The following SCIN variants were observed in gnomAD, a reference collection of about 807,000 sequenced individuals.
SCIN encodes the protein scinderin, also known as adseverin.
A neutral mutation model predicts 91.8 loss-of-function variants in SCIN; 91 were observed. The ratio of observed to expected loss-of-function variants is 0.99; its 90% CI spans 0.84 to 1.18. The LOEUF is 1.18. SCIN is among the 50% of genes most tolerant of loss of function. The pLI is 0.00. For missense variants in SCIN, 1,087 were observed against 863.9 expected (o/e 1.26, Z -3.24); for synonymous variants, 367 against 312.6 (o/e 1.17, Z -1.84).
At chr7:12,577,727 G>A (rs947870108) in intron 1 of SCIN, 5 of 404,430 alleles carry the variant, frequency 1.2e-5, no homozygotes, top group African/African-American at 6.2e-5. Flanking sequence ...ATGGTGGCAC[G>A]CACCTGTAGT....
intron 3 of SCIN, among the ~76,000 whole-genome samples, chr7:12,598,185 G>C (rs993888200): frequency 6.6e-6 from 1 of 152,158 alleles, no homozygotes; most frequent in African/African-American, 2.4e-5. Context: ...ACTTTCTGTT[G>C]TAGTAATAGG....
At chr7:12,620,078 A>G (rs1783377027) in intron 4 of SCIN, among the ~76,000 whole-genome samples, 1 of 152,082 alleles carries the variant, frequency 6.6e-6, no homozygotes, top group Non-Finnish European at 1.5e-5. Context: ...ATAGACATAT[A>G]TGTACAAACT....
chr7:12,650,962 GTAA>G (rs908177298), intron 14 of SCIN, among the ~76,000 whole-genome samples: 11 of 152,158 alleles, frequency 7.2e-5, no homozygotes, highest in African/African-American at 2.7e-4. Context: ...TAATGACTGT[GTAA>G]GGGCCAAGGG....
intron 3 of SCIN, among the ~76,000 whole-genome samples, chr7:12,601,998 T>C (rs1225507637): frequency 8.5e-5 from 13 of 152,222 alleles, no homozygotes; most frequent in Non-Finnish European, 1.3e-4. Context: ...CGGTAGAACA[T>C]GAGATTCTTA....
chr7:12,598,275 C>CA (rs1457749962), intron 3 of SCIN, among the ~76,000 whole-genome samples: 1 of 152,000 alleles, frequency 6.6e-6, no homozygotes, highest in Non-Finnish European at 1.5e-5. Flanking sequence ...CTGGTGGAAA[C>CA]AGAGTAAGGT....
intron 11 of SCIN, among the ~76,000 whole-genome samples, chr7:12,642,147 T>G (rs976782407): frequency 6.6e-6 from 1 of 151,954 alleles, no homozygotes; most frequent in South Asian, 2.1e-4. Flanking sequence ...AATAAATAAT[T>G]TATTAAATGT....
At chr7:12,588,607 C>T (rs539400835) in intron 3 of SCIN, among the ~76,000 whole-genome samples, 1 of 151,892 alleles carries the variant, frequency 6.6e-6, no homozygotes, top group South Asian at 2.1e-4. Flanking sequence ...GTTGGTTAAC[C>T]TTACCACATA....
intron 1 of SCIN, among the ~76,000 whole-genome samples, chr7:12,576,939 C>T (rs147690805): frequency 0.01 from 1,570 of 152,198 alleles, 24 homozygotes; most frequent in South Asian, 0.043. Flanking sequence ...TTTATTACAG[C>T]TTGGATGTAG....
intron 3 of SCIN, among the ~76,000 whole-genome samples, chr7:12,589,784 G>T (rs139354834): frequency 6.6e-6 from 1 of 152,136 alleles, no homozygotes; most frequent in Admixed American, 6.5e-5. Flanking sequence ...TAGCTCATGA[G>T]GGAGACTGTT....
In SCIN at chr7:12,654,760, T is replaced by C. The variant is rs971224093; in HGVS notation, c.*2045T>C. On this transcript the variant is annotated 3_prime_UTR_variant, in exon 16 of 16. Transcript: ENST00000297029. ...AGGCATATAGTAGGGTCTCAGTTAA[T>C]ATTTATTGAATGGCAATATCAAAAA... The C allele has an allele frequency of 6.6e-6, 1 of 152,158 alleles. No individual in the cohort carries two copies. Among genetic ancestry groups the C allele is most frequent in the Non-Finnish European group, 1.5e-5 (1 of 68,004 alleles). 9.4% of individuals were successfully genotyped at this position (152,158 alleles called of 1,614,324 possible).
intron 3 of SCIN, among the ~76,000 whole-genome samples, chr7:12,597,753 A>G (rs978493307): frequency 3.9e-5 from 6 of 152,216 alleles, no homozygotes. Flanking sequence ...AACTGCCAGT[A>G]ACAGATTGTA....
intron 1 of SCIN, among the ~76,000 whole-genome samples, chr7:12,576,527 A>T (rs1782376076): frequency 6.6e-6 from 1 of 152,176 alleles, no homozygotes; most frequent in Non-Finnish European, 1.5e-5. Flanking sequence ...GTTCATGTGA[A>T]CTATTAAATT....
chr7:12,653,843 G>A lies in SCIN; in HGVS notation c.*1128G>A, dbSNP rs934031559. On this transcript the variant is annotated 3_prime_UTR_variant, in exon 16 of 16. Coordinates refer to ENST00000297029, the MANE Select transcript of SCIN (RefSeq NM_001112706.3). The surrounding 1 kb of genome is among the most constrained non-coding windows in gnomAD (Gnocchi z 4.1). ...AAGCTACAGAAAAGTGAGTTTTTATGTTTTCCATTCTTCCCTTTTCTAAGT... is the reference window on the plus strand; with the variant it reads ...AAGCTACAGAAAAGTGAGTTTTTATATTTTCCATTCTTCCCTTTTCTAAGT... The A allele has an allele frequency of 6.6e-6, 1 of 152,126 alleles. No homozygotes were observed. The highest frequency in any genetic ancestry group is 1.5e-5 in the Non-Finnish European group (1 of 68,012). The allele number at this position is 152,126 out of a possible 1,614,324, so 9.4% of individuals were successfully genotyped here. A position where few individuals can be genotyped will look rare whatever the true frequency, so the allele number is the denominator to read the frequency against.
intron 9 of SCIN, among the ~76,000 whole-genome samples, chr7:12,634,876 T>A (rs1783716160): frequency 6.6e-6 from 1 of 152,126 alleles, no homozygotes; most frequent in Non-Finnish European, 1.5e-5. Flanking sequence ...TAGCCTCTTG[T>A]ATAGCCTTAT....
chr7:12,617,430 C>G (rs1327642316), intron 4 of SCIN, among the ~76,000 whole-genome samples: 1 of 151,998 alleles, frequency 6.6e-6, no homozygotes, highest in East Asian at 1.9e-4. Context: ...AATTAGGAAC[C>G]CCAAAGGCAA....
intron 4 of SCIN, among the ~76,000 whole-genome samples, chr7:12,616,041 G>T (rs1333722299): frequency 6.6e-6 from 1 of 152,074 alleles, no homozygotes; most frequent in Non-Finnish European, 1.5e-5. Context: ...ACTCCTGGAG[G>T]TTTAGCTCAT....
chr7:12,648,575 A>G (rs1463850501), intron 13 of SCIN, among the ~76,000 whole-genome samples: 1 of 152,256 alleles, frequency 6.6e-6, no homozygotes, highest in African/African-American at 2.4e-5. Flanking sequence ...GATTACAGGC[A>G]TGAGCCACCA....
intron 2 of SCIN, among the ~76,000 whole-genome samples, chr7:12,579,941 T>A (rs1320177964): frequency 1.3e-5 from 2 of 152,170 alleles, no homozygotes; most frequent in African/African-American, 4.8e-5. Flanking sequence ...GATGAAAACT[T>A]GTATTTATTT....
At chr7:12,622,920 G>C (rs773536193) in intron 5 of SCIN, 27 bp downstream of exon 5, 2 of 1,534,454 alleles carry the variant, frequency 1.3e-6, no homozygotes, top group Admixed American at 1.7e-5. Context: ...CAAATTTATT[G>C]TTTCAACAGT....
Sources: gnomAD v4.1 joint callset for allele counts (sites outside exome capture counted in the v4.1 genomes callset) on GRCh38, gnomAD v4.1.1 for gene constraint, Gnocchi (gnomAD v3.1) non-coding constraint, MANE v1.5 for transcripts, NCBI Gene and HGNC (gene_info 2026-07-23, HGNC 2026-07-21) for gene names.